ADAMTS12: variants seen among roughly 807,000 people sequenced by gnomAD.
The protein encoded by ADAMTS12 is A disintegrin and metalloproteinase with thrombospondin motifs 12.
ADAMTS12 carries 118 observed loss-of-function variants against 167.8 expected under a neutral mutation model. That is an observed-to-expected ratio of 0.70 (90% confidence interval 0.61 to 0.82). ADAMTS12 has a LOEUF of 0.82. Among genes scored for constraint, ADAMTS12 ranks in the 40% least tolerant of loss-of-function variants. The pLI, the probability that ADAMTS12 is intolerant of heterozygous loss-of-function variation, is 0.00. For synonymous variants in ADAMTS12, 704 were observed against 716.9 expected (o/e 0.98, Z 0.29); for missense variants, 1,916 against 1,998.8 (o/e 0.96, Z 0.79).
At chr5:33,700,996 C>T (rs2877317) in intron 3 of ADAMTS12, among the ~76,000 whole-genome samples, 1 of 152,008 alleles carries the variant, frequency 6.6e-6, no homozygotes, top group Non-Finnish European at 1.5e-5. Flanking sequence ...CCCTTCTGAA[C>T]TCCAGATCTG....
intron 2 of ADAMTS12, among the ~76,000 whole-genome samples, chr5:33,871,773 T>G (rs1268933519): frequency 6.6e-6 from 1 of 152,058 alleles, no homozygotes; most frequent in Non-Finnish European, 1.5e-5. Flanking sequence ...ATTACCAATA[T>G]CAGAAATGAA....
rs374486634 is a variant in ADAMTS12 at position 33,619,619 on chromosome 5, C to T, written c.2144-3547G>A. On this transcript the variant is annotated intron_variant, in intron 14 of 23. Transcript: ENST00000504830. Reference sequence around the variant, plus strand: ...AATTATCCAGCTTTAGGTCCCTCTCCTTCCTTTTGCTTTAAGTTGTCATAT... The same window carrying T: ...AATTATCCAGCTTTAGGTCCCTCTCTTTCCTTTTGCTTTAAGTTGTCATAT... Among the ~76,000 whole-genome samples, 7 of 152,216 alleles carry T rather than the reference C, an allele frequency of 4.6e-5. No homozygotes were observed. The East Asian group carries it at 1.4e-3, about 29-fold the overall frequency.
At chr5:33,835,688 A>AC (rs1554046201) in intron 2 of ADAMTS12, among the ~76,000 whole-genome samples, 2 of 109,154 alleles carry the variant, frequency 1.8e-5, no homozygotes, top group Admixed American at 9.4e-5. Flanking sequence ...CAATGGCCCT[A>AC]CCCCTAATAC....
intron 2 of ADAMTS12, among the ~76,000 whole-genome samples, chr5:33,852,765 G>A (rs1208306711): frequency 1.3e-5 from 2 of 152,270 alleles, no homozygotes; most frequent in South Asian, 2.1e-4. Context: ...TGGGAAAAAA[G>A]CTAAGAAGGT....
chr5:33,814,581 A>G (rs567054714), intron 2 of ADAMTS12, among the ~76,000 whole-genome samples: 1 of 152,312 alleles, frequency 6.6e-6, no homozygotes, highest in South Asian at 2.1e-4. Context: ...TTTTCTGAAA[A>G]GCCAATCTCA....
intron 22 of ADAMTS12, among the ~76,000 whole-genome samples, chr5:33,539,437 A>G (rs1300881226): frequency 6.6e-6 from 1 of 152,240 alleles, no homozygotes; most frequent in African/African-American, 2.4e-5. Flanking sequence ...CTAAAGCTTT[A>G]GGACAGATGC....
In ADAMTS12 at chr5:33,561,044, CT is replaced by C; in HGVS notation, c.4107del (p.Val1370TrpfsTer31). 1 of 1,614,150 alleles carries C rather than the reference CT, an allele frequency of 6.2e-7. No individual in the cohort carries two copies. Among genetic ancestry groups the C allele is most frequent in the Non-Finnish European group, 8.5e-7 (1 of 1,180,008 alleles). On this transcript the variant is annotated frameshift_variant, in exon 20 of 24. Coordinates refer to ENST00000504830, the MANE Select transcript of ADAMTS12 (RefSeq NM_030955.4). LOFTEE classifies it high-confidence loss of function. ...TAAGTTACCTTGCTCCAGTTTCCCA[CT>C]TTCCAGCCAGCACAGGGACGGAGGT... ...RCHLRPCAGW[K>X]VGNWSKCSRN...
chr5:33,876,434 A>T (rs1003354929), intron 2 of ADAMTS12, among the ~76,000 whole-genome samples: 2 of 152,326 alleles, frequency 1.3e-5, no homozygotes, highest in African/African-American at 4.8e-5. Flanking sequence ...TATTGATGGA[A>T]CAAAACCTAA....
At chr5:33,774,308 C>G (rs921459106) in intron 2 of ADAMTS12, among the ~76,000 whole-genome samples, 1 of 152,014 alleles carries the variant, frequency 6.6e-6, no homozygotes, top group African/African-American at 2.4e-5. Context: ...CTGAGGGTCC[C>G]AGGAAAGGAT....
intron 6 of ADAMTS12, 91 bp from the exon 7 acceptor site, chr5:33,658,424 T>C: frequency 6.8e-7 from 1 of 1,478,446 alleles, no homozygotes. Flanking sequence ...TCACATTCAA[T>C]ATGGTCTGTA....
chr5:33,798,434 C>CTTTTTTTT (rs3037113), intron 2 of ADAMTS12, among the ~76,000 whole-genome samples: 80 of 69,276 alleles, frequency 1.2e-3, no homozygotes, highest in Middle Eastern at 8.6e-3. Context: ...TTCTTTGTAT[C>CTTTTTTTT]TTTTTTTTTT....
intron 2 of ADAMTS12, among the ~76,000 whole-genome samples, chr5:33,831,989 C>T (rs1489770956): frequency 6.6e-6 from 1 of 152,164 alleles, no homozygotes; most frequent in Admixed American, 6.6e-5. Context: ...CACAGGGTCC[C>T]TGCAAGGTAG....
At chr5:33,881,053 G>A in intron 2 of ADAMTS12, 66 bp downstream of exon 2, 1 of 1,563,302 alleles carries the variant, frequency 6.4e-7, no homozygotes. Flanking sequence ...CCTGTTGGTA[G>A]TAGGTCTACC....
chr5:33,683,555 G>A (rs997026716), intron 4 of ADAMTS12, among the ~76,000 whole-genome samples: 3 of 151,952 alleles, frequency 2.0e-5, no homozygotes, highest in Admixed American at 6.6e-5. Flanking sequence ...TTACTCCTTC[G>A]GTTTACTAAC....
Position 33,751,522 on chromosome 5 carries a change from T to C in ADAMTS12, c.516A>G (p.Gly172=). The C allele has an allele frequency of 6.2e-7, 1 of 1,614,064 alleles. No individual in the cohort carries two copies. Among genetic ancestry groups the C allele is most frequent in the South Asian group, 1.1e-5 (1 of 91,054 alleles). Reference sequence around the variant, plus strand: ...TCTTCACGGGTTCAATGAAAAAGTCTCCATGTGGTAGTTGGAAAAATCCAG... The same window carrying C: ...TCTTCACGGGTTCAATGAAAAAGTCCCCATGTGGTAGTTGGAAAAATCCAG... ...GLTGFFQLPH[G]DFFIEPVKKH... Residue 172 remains glycine, a synonymous_variant, in exon 3 of 24, where the codon GGA becomes GGG. Transcript: ENST00000504830.
intron 2 of ADAMTS12, among the ~76,000 whole-genome samples, chr5:33,861,111 GA>G (rs1467204012): frequency 6.6e-6 from 1 of 152,172 alleles, no homozygotes; most frequent in Non-Finnish European, 1.5e-5. Flanking sequence ...ACACTATGAA[GA>G]AACTGCATCA....
chr5:33,641,202 A>ACTCC (rs1318292596), intron 11 of ADAMTS12, among the ~76,000 whole-genome samples: 1 of 152,126 alleles, frequency 6.6e-6, no homozygotes, highest in Non-Finnish European at 1.5e-5. Context: ...ATACAAATAG[A>ACTCC]ATATATGAAA....
chr5:33,751,985 C>T (rs1745004541), intron 2 of ADAMTS12, among the ~76,000 whole-genome samples: 1 of 152,198 alleles, frequency 6.6e-6, no homozygotes, highest in Non-Finnish European at 1.5e-5. Flanking sequence ...GTAGCCCAGC[C>T]ACATGTTCAC....
intron 3 of ADAMTS12, among the ~76,000 whole-genome samples, chr5:33,720,347 A>G (rs1743768373): frequency 6.6e-6 from 1 of 150,526 alleles, no homozygotes; most frequent in South Asian, 2.1e-4. Flanking sequence ...TTCATTTTCC[A>G]ACTCCATTAA....
Sources: gnomAD v4.1 joint callset for allele counts (sites outside exome capture counted in the v4.1 genomes callset) on GRCh38, gnomAD v4.1.1 for gene constraint, MANE v1.5 for transcripts, NCBI Gene and HGNC (gene_info 2026-07-23, HGNC 2026-07-21) for gene names.